The following FSTL5 variants were observed in gnomAD, a reference collection of about 807,000 sequenced individuals.
FSTL5 encodes follistatin like 5.
In FSTL5, 62 loss-of-function variants were observed where a neutral mutation model predicts 89.1. The ratio of observed to expected loss-of-function variants is 0.70; its 90% CI spans 0.57 to 0.86. The LOEUF (loss-of-function observed/expected upper bound fraction) is 0.86, where lower values mean the gene tolerates loss of function less well. Ranked by LOEUF, FSTL5 falls within the 40% of genes least tolerant of loss-of-function variation. The probability of loss-of-function intolerance (pLI) is 0.00; values close to 1 mark genes in which losing one functional copy is unlikely to be tolerated. For missense variants in FSTL5, 1,057 were observed against 1,001.6 expected (o/e 1.06, Z -0.75); for synonymous variants, 383 against 346.2 (o/e 1.11, Z -1.18).
At chr4:162,095,573 T>C (rs529960867) in intron 2 of FSTL5, among the ~76,000 whole-genome samples, 1 of 151,978 alleles carries the variant, frequency 6.6e-6, no homozygotes, top group South Asian at 2.1e-4. Flanking sequence ...TGAGGAACGG[T>C]TTTTCAAAGA....
At chr4:161,799,557 C>A (rs902148751) in intron 4 of FSTL5, among the ~76,000 whole-genome samples, 2 of 151,598 alleles carry the variant, frequency 1.3e-5, no homozygotes, top group African/African-American at 4.8e-5. Context: ...ATCTTATTCA[C>A]CTAGTCTGTA....
intron 8 of FSTL5, among the ~76,000 whole-genome samples, chr4:161,569,142 C>T (rs1372400285): frequency 6.6e-6 from 1 of 152,180 alleles, no homozygotes; most frequent in Non-Finnish European, 1.5e-5. Flanking sequence ...GTGTGCATTA[C>T]CATGCCTGGA....
At chr4:161,860,064 G>A (rs190953638) in intron 4 of FSTL5, among the ~76,000 whole-genome samples, 1,797 of 152,204 alleles carry the variant, frequency 0.012, 15 homozygotes, top group Middle Eastern at 0.037. Context: ...CAAGGTGGGC[G>A]GATCACAAGG....
chr4:162,066,266 A>C (rs1437261255), intron 2 of FSTL5, among the ~76,000 whole-genome samples: 1 of 143,124 alleles, frequency 7.0e-6, no homozygotes, highest in Non-Finnish European at 1.5e-5. Context: ...GCCTATTTTT[A>C]ATTGGGTTCC....
intron 8 of FSTL5, among the ~76,000 whole-genome samples, chr4:161,562,942 C>T (rs1484549495): frequency 6.6e-6 from 1 of 151,878 alleles, no homozygotes; most frequent in African/African-American, 2.4e-5. Context: ...GCATAATGTC[C>T]TCCAGGTTCA....
At chr4:162,102,461 A>G (rs376213204) in intron 2 of FSTL5, among the ~76,000 whole-genome samples, 1 of 150,856 alleles carries the variant, frequency 6.6e-6, no homozygotes, top group South Asian at 2.1e-4. Context: ...GATCACTCCA[A>G]TTATGTGCCA....
chr4:161,594,717 G>A (rs1733950180), intron 7 of FSTL5, among the ~76,000 whole-genome samples: 1 of 151,776 alleles, frequency 6.6e-6, no homozygotes, highest in Admixed American at 6.6e-5. Flanking sequence ...GCAGCTTTTT[G>A]AATGAGCTAG....
At chr4:161,665,596 T>C (rs956979617) in intron 6 of FSTL5, among the ~76,000 whole-genome samples, 1 of 152,110 alleles carries the variant, frequency 6.6e-6, no homozygotes, top group African/African-American at 2.4e-5. Context: ...TGAGGAGAGT[T>C]AGACACATAA....
Position 161,454,985 on chromosome 4 carries a change from C to G in FSTL5, c.1841+19G>C, listed in dbSNP as rs1375603145. The G allele has an allele frequency of 1.8e-5, 29 of 1,607,416 alleles. No homozygotes were observed. The highest frequency in any genetic ancestry group is 2.5e-5 in the Non-Finnish European group (29 of 1,175,064). ...AGAGACAAATCTTTAAAAAGTTGAT[C>G]ACTCAACTTAGCACTTACCTCATAT... On this transcript the variant is annotated intron_variant, in intron 15 of 15. Transcript: ENST00000306100.
chr4:161,877,028 T>G (rs905783875), intron 4 of FSTL5, among the ~76,000 whole-genome samples: 6 of 151,290 alleles, frequency 4.0e-5, no homozygotes, highest in African/African-American at 1.5e-4. Context: ...CTACTAAAAA[T>G]AGAACATTAG....
At chr4:161,810,917 A>G (rs1730117080) in intron 4 of FSTL5, among the ~76,000 whole-genome samples, 1 of 152,130 alleles carries the variant, frequency 6.6e-6, no homozygotes, top group South Asian at 2.1e-4. Flanking sequence ...CACCAATAAG[A>G]TCTATTGTTT....
At chr4:161,824,211 G>A (rs1184844871) in intron 4 of FSTL5, among the ~76,000 whole-genome samples, 1 of 152,180 alleles carries the variant, frequency 6.6e-6, no homozygotes, top group Non-Finnish European at 1.5e-5. Context: ...TGAGGATCCA[G>A]TTTCATTCTT....
chr4:162,000,914 C>G (rs1719572833), intron 3 of FSTL5, among the ~76,000 whole-genome samples: 1 of 151,902 alleles, frequency 6.6e-6, no homozygotes, highest in South Asian at 2.1e-4. Context: ...GGAAGGAATG[C>G]CTGGAAAATT....
At chr4:161,507,949 A>G (rs1730534010) in intron 11 of FSTL5, among the ~76,000 whole-genome samples, 2 of 151,926 alleles carry the variant, frequency 1.3e-5, no homozygotes, top group Non-Finnish European at 2.9e-5. Context: ...GGTTCTCTCT[A>G]AGATAGATTT....
rs117133274 is a variant in FSTL5, at chr4:161,653,066, G to A, written c.894+3262C>T. ...TTATAGACATTTCTTAATGTAATTA[G>A]ACCCCCAAATTAATTAGACAACATT... On this transcript the variant is annotated intron_variant, in intron 7 of 15. Transcript: ENST00000306100. Among the ~76,000 whole-genome samples, 918 of 152,202 alleles carry A rather than the reference G, an allele frequency of 6.0e-3. 9 individuals carry two copies. The highest frequency in any genetic ancestry group is 0.046 in the South Asian group (220 of 4,826).
chr4:162,090,467 C>T (rs1218345697), intron 2 of FSTL5, among the ~76,000 whole-genome samples: 1 of 151,952 alleles, frequency 6.6e-6, no homozygotes, highest in Non-Finnish European at 1.5e-5. Context: ...CGTGGATGCA[C>T]CCAACAAGCA....
At chr4:161,951,293 C>T (rs1355677173) in intron 3 of FSTL5, among the ~76,000 whole-genome samples, 3 of 152,038 alleles carry the variant, frequency 2.0e-5, no homozygotes, top group East Asian at 1.9e-4. Flanking sequence ...CAGACTAATA[C>T]ACTACTACTA....
chr4:161,633,144 C>G (rs1047135881), intron 7 of FSTL5, among the ~76,000 whole-genome samples: 4 of 151,730 alleles, frequency 2.6e-5, no homozygotes, highest in Non-Finnish European at 5.9e-5. Flanking sequence ...CCCGGGGTCA[C>G]GTTGAAGTTG....
chr4:161,964,854 C>T (rs1735280338), intron 3 of FSTL5, among the ~76,000 whole-genome samples: 2 of 151,966 alleles, frequency 1.3e-5, no homozygotes, highest in Admixed American at 1.3e-4. Context: ...CATATGGTCA[C>T]AATTCCTTAT....
Sources: allele counts gnomAD v4.1 joint callset (sites outside exome capture counted in the v4.1 genomes callset), GRCh38; gene constraint gnomAD v4.1.1; transcripts MANE v1.5; gene names NCBI Gene and HGNC (gene_info 2026-07-23, HGNC 2026-07-21).